Variants in CAPN15 observed in about 807,000 individuals in gnomAD.
The protein encoded by CAPN15 is calpain 15.
CAPN15 carries 53 observed loss-of-function variants against 97.9 expected under a neutral mutation model. The observed-to-expected ratio is 0.54, with a 90% CI of 0.43 to 0.68. CAPN15 has a LOEUF of 0.68. Among genes scored for constraint, CAPN15 ranks in the 30% least tolerant of loss-of-function variants. The probability of loss-of-function intolerance (pLI) is 0.00; values close to 1 mark genes in which losing one functional copy is unlikely to be tolerated. For missense variants in CAPN15, 1,592 were observed against 1,589.8 expected (o/e 1.00, Z -0.02); for synonymous variants, 922 against 722.5 (o/e 1.28, Z -4.43).
chr16:530,632 C>T (rs1446474786), intron 1 of CAPN15, among the ~76,000 whole-genome samples: 5 of 152,176 alleles, frequency 3.3e-5, no homozygotes, highest in Middle Eastern at 3.2e-3. Context: ...GGAGACCTCC[C>T]GGTGCGTGGC....
chr16:547,183 C>T lies in CAPN15; in HGVS notation c.345C>T (p.Ala115=), dbSNP rs2034644050. The change falls in exon 4 of 14, where the codon GCC becomes GCT. Residue 115 remains alanine (A), a synonymous_variant. Coordinates refer to ENST00000219611, the MANE Select transcript of CAPN15 (RefSeq NM_005632.3). ...AGPVRTAGLV[A]TEPARGQCED... ...CAGTGAGGACTGCGGGGCTGGTGGCCACGGAGCCCGCCAGGGGGCAGTGCG... is the reference window on the plus strand; with the variant it reads ...CAGTGAGGACTGCGGGGCTGGTGGCTACGGAGCCCGCCAGGGGGCAGTGCG... 1 of 1,535,184 alleles carries T rather than the reference C, an allele frequency of 6.5e-7. No homozygotes were observed. Among genetic ancestry groups the T allele is most frequent in the Non-Finnish European group, 8.7e-7 (1 of 1,145,748 alleles).
chr16:537,555 G>C, intron 3 of CAPN15: 1 of 559,750 alleles, frequency 1.8e-6, no homozygotes, highest in East Asian at 1.5e-4. Flanking sequence ...CCCAGTGCAA[G>C]CAGCTTCTGT....
At chr16:537,133 G>C (rs1461944824) in intron 3 of CAPN15, 1 of 985,380 alleles carries the variant, frequency 1.0e-6, no homozygotes, top group Non-Finnish European at 1.2e-6. Flanking sequence ...TTTCTCTGCA[G>C]GGTCCTCTCT....
At chr16:533,601 G>T (rs1442745887) in intron 1 of CAPN15, among the ~76,000 whole-genome samples, 1 of 152,198 alleles carries the variant, frequency 6.6e-6, no homozygotes. Context: ...CCCACGGCCT[G>T]CTCCTTGTAG....
In CAPN15 at chr16:549,125, G is replaced by C; in HGVS notation, c.1582G>C (p.Asp528His). 4 of 1,611,878 alleles carry C rather than the reference G, an allele frequency of 2.5e-6. No homozygotes were observed. Among genetic ancestry groups the C allele is most frequent in the Non-Finnish European group, 3.4e-6 (4 of 1,179,878 alleles). The change falls in exon 5 of 14, where the codon GAC (aspartate) becomes CAC (histidine). Residue 528 changes from aspartate (D) to histidine (H), a missense_variant. Asp to His is a moderately conservative substitution (Grantham distance 81, BLOSUM62 -1). Transcript: ENST00000219611. ...GGAGATCAACTGCTCCGTCTTCAGG[G>C]ACCACAGGGCCACGTGGTCTGTGTT... The part of the protein sequence containing the change: ...PQEINCSVFR[D>H]HRATWSVFHT...
intron 13 of CAPN15, 75 bp from the exon 14 acceptor site, chr16:553,264 C>A (rs1241839495): frequency 1.9e-6 from 2 of 1,078,092 alleles, no homozygotes; most frequent in Non-Finnish European, 1.4e-6. Context: ...TGCTCCTGCC[C>A]CTGTACAGGT....
rs1385696693 is a variant in CAPN15 at position 549,211 on chromosome 16, T to C, written c.1658+10T>C. Reference sequence around the variant, plus strand: ...TGCTGGGGAACTGCTGGTGAGGCCTTCTCCAAGGCCGGGGTGGGGCGGGTG... The same window carrying C: ...TGCTGGGGAACTGCTGGTGAGGCCTCCTCCAAGGCCGGGGTGGGGCGGGTG... On this transcript the variant is annotated intron_variant, in intron 5 of 13. Transcript: ENST00000219611. 5.4e-6 allele frequency: 4 copies of C among 735,922 alleles called. No individual in the cohort carries two copies. The highest frequency in any genetic ancestry group is 1.2e-4 in the East Asian group (2 of 16,352). The allele number at this position is 735,922 out of a possible 1,614,324, so 45.6% of individuals were successfully genotyped here.
At chr16:543,181 G>A (rs1421811316) in intron 3 of CAPN15, 1 of 154,096 alleles carries the variant, frequency 6.5e-6, no homozygotes, top group East Asian at 1.9e-4. Flanking sequence ...ACAGAAAAAT[G>A]TAGAAAGGAT....
intron 1 of CAPN15, among the ~76,000 whole-genome samples, chr16:529,871 G>A (rs572356886): frequency 2.5e-3 from 376 of 152,314 alleles, no homozygotes; most frequent in Non-Finnish European, 4.0e-3. Flanking sequence ...CGGAGGGTGG[G>A]CTTGGGTGGT....
chr16:546,197 G>A (rs1053975789), intron 3 of CAPN15, among the ~76,000 whole-genome samples: 2 of 152,246 alleles, frequency 1.3e-5, no homozygotes, highest in African/African-American at 4.8e-5. Flanking sequence ...TGTTGCTCGC[G>A]GAGACTTTTT....
chr16:541,192 G>A (rs1057236139), intron 3 of CAPN15, among the ~76,000 whole-genome samples: 1 of 152,252 alleles, frequency 6.6e-6, no homozygotes, highest in Admixed American at 6.5e-5. Flanking sequence ...CAGTGGGCAA[G>A]GCCATGGCAG....
chr16:547,998 A>C lies in CAPN15; in HGVS notation c.1160A>C (p.Asp387Ala). 1.3e-6 allele frequency: 2 copies of C among 1,580,314 alleles called. No homozygotes were observed. The highest frequency in any genetic ancestry group is 1.7e-6 in the Non-Finnish European group (2 of 1,165,252). ...ACCCACTGCCCCGACTGTGGGGCCG[A>C]CAAGCCCAGCCCCTGCGGCAGAAGC... ...PPTHCPDCGA[D>A]KPSPCGRSCG... The change falls in exon 4 of 14, where the codon GAC (aspartate) becomes GCC (alanine). Residue 387 changes from aspartate to alanine, a missense_variant. Transcript: ENST00000219611.
chr16:547,596 C>G lies in CAPN15; in HGVS notation c.758C>G (p.Pro253Arg), dbSNP rs1440040497. The G allele has an allele frequency of 1.9e-6, 3 of 1,575,866 alleles. No homozygotes were observed. Among genetic ancestry groups the G allele is most frequent in the Non-Finnish European group, 2.6e-6 (3 of 1,162,910 alleles). Residue 253 changes from proline to arginine, a missense_variant, in exon 4 of 14, where the codon CCC (proline) becomes CGC (arginine). This residue lies in a region of CAPN15 where 883 missense variants were observed against 776.6 expected (regional missense o/e 1.14). Coordinates refer to ENST00000219611, the MANE Select transcript of CAPN15 (RefSeq NM_005632.3). ...PVPRSRREVP[P>R]QLQPPVPEAA... ...CCGCGCAGCCGACGCGAGGTTCCCC[C>G]CCAGCTGCAGCCACCGGTGCCTGAG... is the stretch of plus-strand genomic sequence containing the variant.
intron 1 of CAPN15, among the ~76,000 whole-genome samples, chr16:532,127 A>G (rs2033306680): frequency 6.6e-6 from 1 of 151,470 alleles, no homozygotes; most frequent in Non-Finnish European, 1.5e-5. Context: ...GTAATCCCAG[A>G]TACTCAGGAG....
At chr16:550,672 G>C (rs1186739141) in intron 7 of CAPN15, among the ~76,000 whole-genome samples, 4 of 150,834 alleles carry the variant, frequency 2.7e-5, no homozygotes, top group African/African-American at 9.8e-5. Context: ...TCCCCGGTCG[G>C]TGAGGGCCCC....
chr16:544,780 T>C (rs184489990), intron 3 of CAPN15, among the ~76,000 whole-genome samples: 1,219 of 14,574 alleles, frequency 0.084, 157 homozygotes, highest in East Asian at 0.17. Flanking sequence ...CCCCACGTCG[T>C]CTCCCCCACG....
chr16:546,671 G>C, intron 3 of CAPN15, 146 bp from the exon 4 acceptor site: 2 of 1,114,396 alleles, frequency 1.8e-6, no homozygotes, highest in Admixed American at 3.1e-5. Flanking sequence ...AGCCCCCACC[G>C]CCGCCTGCCT....
chr16:534,015 G>A lies in CAPN15; in HGVS notation c.-137+17G>A, dbSNP rs1435616863. 3.0e-6 allele frequency: 3 copies of A among 984,544 alleles called. No homozygotes were observed. The highest frequency in any genetic ancestry group is 1.7e-5 in the African/African-American group (1 of 57,242). 61.0% of individuals were successfully genotyped at this position (984,544 alleles called of 1,614,324 possible). On this transcript the variant is annotated intron_variant, in intron 2 of 13. Transcript: ENST00000219611. ...CAGCTTCAGGTGAGTTTGTTCCCAAGCCCTGCGGCTCGTTTATGGGTTTGC... is the reference window on the plus strand; with the variant it reads ...CAGCTTCAGGTGAGTTTGTTCCCAAACCCTGCGGCTCGTTTATGGGTTTGC...
rs1055280569 is a variant in CAPN15 at position 540,368 on chromosome 16, G to A, written c.-23+4226G>A. Reference sequence around the variant, plus strand: ...CACCAGCCCCCACGGCCCCGGGCCCGAAGGTAAGAGGTGGGGAGGGGTGGC... The same window carrying A: ...CACCAGCCCCCACGGCCCCGGGCCCAAAGGTAAGAGGTGGGGAGGGGTGGC... On this transcript the variant is annotated intron_variant, in intron 3 of 13. Transcript: ENST00000219611. The A allele has an allele frequency of 1.4e-4, 135 of 985,350 alleles. 1 individual carries two copies. In the East Asian group the frequency reaches 3.4e-3, roughly 25 times the overall value. The allele number at this position is 985,350 out of a possible 1,614,324, so 61.0% of individuals were successfully genotyped here.
Sources: allele counts gnomAD v4.1 joint callset (sites outside exome capture counted in the v4.1 genomes callset), GRCh38; gene constraint gnomAD v4.1.1; regional missense constraint gnomAD v4.1.1; transcripts MANE v1.5; gene names NCBI Gene and HGNC (gene_info 2026-07-23, HGNC 2026-07-21).